INPP5A: variants seen among roughly 807,000 people sequenced by gnomAD.
INPP5A encodes inositol polyphosphate-5-phosphatase A.
In INPP5A, 14 loss-of-function variants were observed where a neutral mutation model predicts 65.2. The observed-to-expected ratio is 0.21, with a 90% confidence interval of 0.14 to 0.34. INPP5A has a LOEUF of 0.34. Ranked by LOEUF, INPP5A falls within the 10% of genes least tolerant of loss-of-function variation. INPP5A has a pLI of 1.00. For missense variants in INPP5A, 431 were observed against 545.6 expected (o/e 0.79, Z 2.09); for synonymous variants, 207 against 208.3 (o/e 0.99, Z 0.05).
At chr10:132,771,695 GCCACGGCAGCCACCCCA>G in intron 12 of INPP5A, among the ~76,000 whole-genome samples, 1 of 114,484 alleles carries the variant, frequency 8.7e-6, no homozygotes, top group Non-Finnish European at 1.9e-5. Context: ...TGACACAGAG[GCCACGGCAGCCACCCCA>G]TGAAGAGTGG....
chr10:132,685,117 T>C (rs1388752367), intron 4 of INPP5A, among the ~76,000 whole-genome samples: 3 of 152,230 alleles, frequency 2.0e-5, no homozygotes, highest in Non-Finnish European at 4.4e-5. Context: ...AATGTCATGC[T>C]GTCTCAGAGT....
intron 1 of INPP5A, among the ~76,000 whole-genome samples, chr10:132,600,245 T>C (rs1326620972): frequency 6.6e-6 from 1 of 152,240 alleles, no homozygotes; most frequent in Non-Finnish European, 1.5e-5. Flanking sequence ...CTGAAGTCAC[T>C]TCTTGAATGT....
intron 1 of INPP5A, among the ~76,000 whole-genome samples, chr10:132,586,026 A>C (rs1021940267): frequency 6.6e-6 from 1 of 152,192 alleles, no homozygotes; most frequent in Non-Finnish European, 1.5e-5. Context: ...CTTGTCCCTG[A>C]GACCTGGCCA....
chr10:132,680,368 C>T (rs2073026496), intron 4 of INPP5A, among the ~76,000 whole-genome samples: 1 of 152,230 alleles, frequency 6.6e-6, no homozygotes, highest in Non-Finnish European at 1.5e-5. Context: ...GCTCCACGAA[C>T]CTTTAGGGAG....
intron 1 of INPP5A, among the ~76,000 whole-genome samples, chr10:132,596,953 A>ATGTGTGCGTGTGTGCG (rs1564929079): frequency 2.5e-5 from 3 of 118,276 alleles, no homozygotes; most frequent in Non-Finnish European, 5.0e-5. Context: ...GCGTGTGTGC[A>ATGTGTGCGTGTGTGCG]CACATGTGTG....
chr10:132,672,833 T>C (rs2133440722), intron 4 of INPP5A, among the ~76,000 whole-genome samples: 1 of 152,350 alleles, frequency 6.6e-6, no homozygotes, highest in Middle Eastern at 3.4e-3. Flanking sequence ...TCCCCTGGTA[T>C]TGATGACTGC....
At chr10:132,552,184 T>TGC (rs2071061344) in intron 1 of INPP5A, among the ~76,000 whole-genome samples, 1 of 99,670 alleles carries the variant, frequency 1.0e-5, no homozygotes, top group East Asian at 3.5e-4. Flanking sequence ...GATTGGTGAA[T>TGC]GCCTTCTCAG....
chr10:132,719,892 G>T (rs1203677719), intron 8 of INPP5A, among the ~76,000 whole-genome samples: 1 of 150,058 alleles, frequency 6.7e-6, no homozygotes, highest in Non-Finnish European at 1.5e-5. Context: ...GCTGTCTTCA[G>T]GGTTCTGTGG....
intron 1 of INPP5A, among the ~76,000 whole-genome samples, chr10:132,596,927 ATGTG>A (rs2071704024): frequency 6.9e-5 from 1 of 14,516 alleles, no homozygotes. Context: ...GTGTGCGCGC[ATGTG>A]CACGCATGTG....
intron 2 of INPP5A, among the ~76,000 whole-genome samples, chr10:132,634,582 G>C (rs1167046803): frequency 6.6e-6 from 1 of 152,262 alleles, no homozygotes; most frequent in South Asian, 2.1e-4. Context: ...TCCATTGAGT[G>C]CCAAGGGAGG....
intron 8 of INPP5A, among the ~76,000 whole-genome samples, chr10:132,718,401 GACT>G (rs1845786096): frequency 6.8e-6 from 1 of 147,108 alleles, no homozygotes; most frequent in South Asian, 2.2e-4. Flanking sequence ...CGCCTTAGAC[GACT>G]GTCTTGCGGG....
intron 4 of INPP5A, among the ~76,000 whole-genome samples, chr10:132,661,647 T>C (rs929092474): frequency 6.6e-6 from 1 of 152,126 alleles, no homozygotes; most frequent in Non-Finnish European, 1.5e-5. Flanking sequence ...CTAATCAAAA[T>C]CTGAGCAGAC....
chr10:132,574,927 A>G (rs2071396817), intron 1 of INPP5A, among the ~76,000 whole-genome samples: 1 of 152,094 alleles, frequency 6.6e-6, no homozygotes, highest in African/African-American at 2.4e-5. Flanking sequence ...TTGGGGCGTG[A>G]GGCAGCTGGT....
At chr10:132,758,470 T>C (rs924160544) in intron 11 of INPP5A, among the ~76,000 whole-genome samples, 3 of 146,984 alleles carry the variant, frequency 2.0e-5, no homozygotes, top group Non-Finnish European at 4.5e-5. Context: ...CGTGGGTCCT[T>C]GGCTGACCCC....
chr10:132,543,358 C>T (rs530530896), intron 1 of INPP5A, among the ~76,000 whole-genome samples: 6 of 152,186 alleles, frequency 3.9e-5, no homozygotes, highest in African/African-American at 9.6e-5. Flanking sequence ...TTTCACTGAG[C>T]GTATGTAAAA....
chr10:132,542,359 G>C (rs1216436639), intron 1 of INPP5A, among the ~76,000 whole-genome samples: 1 of 152,258 alleles, frequency 6.6e-6, no homozygotes, highest in Non-Finnish European at 1.5e-5. Context: ...GAAGAGCCCT[G>C]GAAGAGCGTG....
At chr10:132,592,659 G>A (rs1252633830) in intron 1 of INPP5A, among the ~76,000 whole-genome samples, 1 of 152,198 alleles carries the variant, frequency 6.6e-6, no homozygotes, top group Non-Finnish European at 1.5e-5. Context: ...CGCCCGCCTT[G>A]GCTTCCCAAA....
chr10:132,630,488 G>A (rs967663708), intron 2 of INPP5A, among the ~76,000 whole-genome samples: 1 of 152,070 alleles, frequency 6.6e-6, no homozygotes, highest in Admixed American at 6.5e-5. Context: ...CATACATGAA[G>A]AGAGGCCATC....
intron 5 of INPP5A, among the ~76,000 whole-genome samples, chr10:132,693,555 C>A (rs181382467): frequency 1.3e-5 from 2 of 152,118 alleles, no homozygotes; most frequent in East Asian, 3.9e-4. Flanking sequence ...TTTATAGCAT[C>A]AAATACATAT....
Sources: allele counts gnomAD v4.1 joint callset (sites outside exome capture counted in the v4.1 genomes callset), GRCh38; gene constraint gnomAD v4.1.1; transcripts MANE v1.5; gene names NCBI Gene and HGNC (gene_info 2026-07-23, HGNC 2026-07-21).